FHIT: variants seen among roughly 807,000 people sequenced by gnomAD.
FHIT encodes the protein fragile histidine triad diadenosine triphosphatase.
In FHIT, 19 loss-of-function variants were observed where a neutral mutation model predicts 17.9. The ratio of observed to expected loss-of-function variants is 1.06; its 90% CI spans 0.74 to 1.56. The LOEUF is 1.56. Ranked by LOEUF, FHIT falls within the 40% of genes most tolerant of loss-of-function variation. The pLI is 0.00. For synonymous variants in FHIT, 81 were observed against 69.7 expected, an observed-to-expected ratio of 1.16 and a Z score of -0.81; for missense variants, 248 against 189.2, an observed-to-expected ratio of 1.31 and a Z score of -1.82.
At chr3:60,595,477 A>G (rs1553665950) in intron 4 of FHIT, among the ~76,000 whole-genome samples, 1 of 150,650 alleles carries the variant, frequency 6.6e-6, no homozygotes, top group East Asian at 2.0e-4. Flanking sequence ...ATATATACAT[A>G]TACATATAAA....
intron 5 of FHIT, among the ~76,000 whole-genome samples, chr3:60,127,398 G>A (rs1705603439): frequency 6.6e-6 from 1 of 151,990 alleles, no homozygotes; most frequent in Non-Finnish European, 1.5e-5. Flanking sequence ...TCTATAAATG[G>A]CTTCTGCAAG....
At chr3:60,042,085 T>C (rs531063530) in intron 5 of FHIT, among the ~76,000 whole-genome samples, 1 of 152,318 alleles carries the variant, frequency 6.6e-6, no homozygotes, top group East Asian at 1.9e-4. Context: ...CCTACTTAGA[T>C]GTTACCAAAG....
intron 5 of FHIT, among the ~76,000 whole-genome samples, chr3:60,140,269 G>A (rs531284122): frequency 2.0e-5 from 3 of 152,074 alleles, no homozygotes; most frequent in African/African-American, 4.8e-5. Context: ...TGATGATAGT[G>A]CCTCAATTTT....
rs574410192 is a variant in FHIT, at chr3:61,152,761, A to G, written c.-164+47856T>C. ...GATCATAGCTGTGTTTTATAAGATCAGTATGGCATCTAATGAGAAATGGAT... is the reference window on the plus strand; with the variant it reads ...GATCATAGCTGTGTTTTATAAGATCGGTATGGCATCTAATGAGAAATGGAT... On this transcript the variant is annotated intron_variant, in intron 2 of 9. Transcript: ENST00000492590. 2.2e-5 allele frequency among the ~76,000 whole-genome samples: 3 copies of G among 138,290 alleles called. No homozygotes were observed. In the Admixed American group the frequency reaches 2.3e-4, roughly 11 times the overall value. The allele number at this position is 138,290 out of a possible 152,430, so 90.7% of individuals were successfully genotyped here. A position where few individuals can be genotyped will look rare whatever the true frequency, so the allele number is the denominator to read the frequency against.
At chr3:60,641,902 C>T (rs573190119) in intron 4 of FHIT, among the ~76,000 whole-genome samples, 5 of 151,956 alleles carry the variant, frequency 3.3e-5, no homozygotes, top group Admixed American at 1.3e-4. Context: ...GTACTAGCTA[C>T]AGCAGAATGC....
chr3:60,950,425 G>C (rs1398973582), intron 3 of FHIT, among the ~76,000 whole-genome samples: 1 of 151,988 alleles, frequency 6.6e-6, no homozygotes, highest in East Asian at 1.9e-4. Context: ...CCTTGCACTT[G>C]GGAATTGTTC....
At chr3:60,363,636 T>C (rs913184422) in intron 5 of FHIT, among the ~76,000 whole-genome samples, 1 of 152,110 alleles carries the variant, frequency 6.6e-6, no homozygotes, top group Non-Finnish European at 1.5e-5. Context: ...TGAATTTTAA[T>C]GGTGTCACTG....
At chr3:59,903,121 C>T (rs562997607) in intron 8 of FHIT, among the ~76,000 whole-genome samples, 119 of 152,078 alleles carry the variant, frequency 7.8e-4, no homozygotes, top group South Asian at 1.7e-3. Flanking sequence ...AAATGAAGTG[C>T]GGATACATGC....
intron 3 of FHIT, among the ~76,000 whole-genome samples, chr3:60,826,184 AGG>A (rs1243380450): frequency 0.01 from 1,404 of 136,882 alleles, 36 homozygotes; most frequent in African/African-American, 0.046. Context: ...GAAGGAAGGA[AGG>A]AAGGAAGGAA....
chr3:60,012,898 C>CTA (rs1198821739), intron 6 of FHIT, among the ~76,000 whole-genome samples: 3 of 152,166 alleles, frequency 2.0e-5, no homozygotes, highest in Non-Finnish European at 4.4e-5. Flanking sequence ...TTGTATCTCA[C>CTA]TAAACATTAA....
At chr3:60,196,706 T>C (rs1387581907) in intron 5 of FHIT, among the ~76,000 whole-genome samples, 1 of 151,894 alleles carries the variant, frequency 6.6e-6, no homozygotes, top group African/African-American at 2.4e-5. Flanking sequence ...TATAAACATA[T>C]ATACAGACAT....
rs529444861 is a variant in FHIT at position 60,828,946 on chromosome 3, CTTAAA to C, written c.-110-6940_-110-6936del. On this transcript the variant is annotated intron_variant, in intron 3 of 9. Transcript: ENST00000492590. ...TCTAAGAGATACTAAAACAAAGGAA[CTTAAA>C]TTAAACCTGAGACCTGAAGGATGAG... Among the ~76,000 whole-genome samples the C allele has an allele frequency of 3.9e-3, 596 of 152,148 alleles. 1 individual carries two copies. The highest frequency in any genetic ancestry group is 0.014 in the African/African-American group (568 of 41,524).
rs200482309 is a variant in FHIT, at chr3:60,209,415, A to G, written c.104-195263T>C. 5.3e-5 allele frequency among the ~76,000 whole-genome samples: 8 copies of G among 152,154 alleles called. No individual in the cohort carries two copies. In the East Asian group the frequency reaches 1.4e-3, roughly 26 times the overall value. ...TAAGAAGCTTATGGTCCAGAAAGAC[A>G]TACAAATGTGTCATTCACTATGTGA... On this transcript the variant is annotated intron_variant, in intron 5 of 9. Coordinates refer to ENST00000492590, the MANE Select transcript of FHIT (RefSeq NM_002012.4).
At chr3:60,251,206 G>T (rs1002051028) in intron 5 of FHIT, among the ~76,000 whole-genome samples, 1 of 152,192 alleles carries the variant, frequency 6.6e-6, no homozygotes, top group Non-Finnish European at 1.5e-5. Context: ...AAAACAGCCA[G>T]AGGCTTTTAA....
chr3:59,807,505 C>T (rs893123986), intron 8 of FHIT, among the ~76,000 whole-genome samples: 2 of 151,994 alleles, frequency 1.3e-5, no homozygotes, highest in Admixed American at 6.6e-5. Flanking sequence ...GAAACTGAGG[C>T]TGAATGATTT....
chr3:60,920,600 C>A (rs146417013), intron 3 of FHIT, among the ~76,000 whole-genome samples: 2 of 152,076 alleles, frequency 1.3e-5, no homozygotes, highest in Admixed American at 6.5e-5. Context: ...GTGCCCCAAG[C>A]AGAGGAAACC....
chr3:60,286,061 A>C (rs565799184), intron 5 of FHIT, among the ~76,000 whole-genome samples: 2 of 152,138 alleles, frequency 1.3e-5, no homozygotes, highest in African/African-American at 4.8e-5. Flanking sequence ...GGGAGCACAC[A>C]CCAACATGCA....
chr3:61,134,100 TACACACACACACAC>T (rs150931006), intron 2 of FHIT, among the ~76,000 whole-genome samples: 1 of 134,876 alleles, frequency 7.4e-6, no homozygotes. Context: ...CACACACACA[TACACACACACACAC>T]ACACACACAC....
At position 61,239,762 on chromosome 3, in the gene FHIT, C is replaced by CAGATATATATATATATATATATAT. The variant is rs2040324269; in HGVS notation, c.-213+11538_-213+11539insATATATATATATATATATATATCT. 4.6e-5 allele frequency among the ~76,000 whole-genome samples: 5 copies of CAGATATATATATATATATATATAT among 108,284 alleles called. No homozygotes were observed. The East Asian group carries it at 1.5e-3, about 33-fold the overall frequency. 71.0% of individuals were successfully genotyped at this position (108,284 alleles called of 152,430 possible). ...AAAACTGCAAAGAAAAACAACTGGC[C>CAGATATATATATATATATATATAT]ATATATATATATATATATATATACA... On this transcript the variant is annotated intron_variant, in intron 1 of 9. Coordinates refer to ENST00000492590, the MANE Select transcript of FHIT (RefSeq NM_002012.4).
Sources: gnomAD v4.1 joint callset for allele counts (sites outside exome capture counted in the v4.1 genomes callset) on GRCh38, gnomAD v4.1.1 for gene constraint, MANE v1.5 for transcripts, NCBI Gene and HGNC (gene_info 2026-07-23, HGNC 2026-07-21) for gene names.